C3: variants seen among roughly 807,000 people sequenced by gnomAD.
The protein encoded by C3 is complement C3, also known as C3 and PZP-like alpha-2-macroglobulin domain-containing protein 1.
C3 carries 97 observed loss-of-function variants against 207.9 expected under a neutral mutation model. The observed-to-expected ratio is 0.47, with a 90% CI of 0.40 to 0.55. The LOEUF (loss-of-function observed/expected upper bound fraction) is 0.55, where lower values mean the gene tolerates loss of function less well. Ranked by LOEUF, C3 falls within the 20% of genes least tolerant of loss-of-function variation. C3 has a pLI of 0.00. For missense variants in C3, 1,684 were observed against 2,171.7 expected (o/e 0.78, Z 4.46); for synonymous variants, 848 against 857.6 (o/e 0.99, Z 0.20).
intron 2 of C3, among the ~76,000 whole-genome samples, chr19:6,718,947 GT>G (rs1400242474): frequency 5.6e-4 from 76 of 136,666 alleles, no homozygotes; most frequent in African/African-American, 1.7e-3. Flanking sequence ...CTCAGGGAAG[GT>G]CAGGGCTTAG....
rs749382784 is a variant in C3 at position 6,719,360 on chromosome 19, C to T, written c.118G>A (p.Glu40Lys). ...TPNILRLESE[E>K]TMVLEAHDAQ... is the part of the protein sequence containing the mutation. ...TCGTGGGCCTCCAGCACCATGGTCT[C>T]CTCGCTCTCCAGCCGCAAGATGTTG... Residue 40 changes from glutamate to lysine, a missense_variant, in exon 2 of 41, where the codon GAG becomes AAG. This residue lies in a region of C3 where 58 missense variants were observed against 52.5 expected (regional missense o/e 1.10). Transcript: ENST00000245907. The surrounding 1 kb of genome is among the most constrained non-coding windows in gnomAD (Gnocchi z 5.4). 2 of 1,613,978 alleles carry T rather than the reference C, an allele frequency of 1.2e-6. No homozygotes were observed. The highest frequency in any genetic ancestry group is 1.1e-5 in the South Asian group (1 of 91,074).
In C3 at chr19:6,718,076, G is replaced by T. The variant is rs1968080017; in HGVS notation, c.504+18C>A. ...AGCCTGTGCCCCTGCTTCCCCTGGGGCCCCCTCTGGCTGGCACCTCAATGT... is the reference window on the plus strand; with the variant it reads ...AGCCTGTGCCCCTGCTTCCCCTGGGTCCCCCTCTGGCTGGCACCTCAATGT... On this transcript the variant is annotated intron_variant, in intron 4 of 40. Transcript: ENST00000245907. 6.2e-7 allele frequency: 1 copy of T among 1,613,282 alleles called. No homozygotes were observed. Among genetic ancestry groups the T allele is most frequent in the Non-Finnish European group, 8.5e-7 (1 of 1,179,268 alleles).
chr19:6,685,237 G>A (rs1414100657), intron 29 of C3, 91 bp from the exon 30 acceptor site: 9 of 1,235,794 alleles, frequency 7.3e-6, no homozygotes, highest in East Asian at 2.5e-5. Flanking sequence ...AATCAGAGCT[G>A]GGACATCAAA....
chr19:6,719,259 C>T lies in C3; in HGVS notation c.219G>A (p.Lys73=), dbSNP rs1299281275. The change falls in exon 2 of 41, where the codon AAG becomes AAA. Residue 73 remains lysine (K), a synonymous_variant. Transcript: ENST00000245907. This position sits in a 1 kb window ranked among gnomAD's most constrained non-coding sequence, Gnocchi z 5.4. ...GGTTGGTGGCAGGGGTCAGCACAGTCTTCTCACTGGACAGCACTAGTTTTT... is the reference window on the plus strand; with the variant it reads ...GGTTGGTGGCAGGGGTCAGCACAGTTTTCTCACTGGACAGCACTAGTTTTT... ...PGKKLVLSSE[K]TVLTPATNHM... is the part of the protein sequence containing the mutation. The T allele has an allele frequency of 6.2e-7, 1 of 1,614,042 alleles. No homozygotes were observed.
intron 17 of C3, among the ~76,000 whole-genome samples, chr19:6,705,431 C>T (rs1967754817): frequency 6.7e-6 from 1 of 150,246 alleles, no homozygotes; most frequent in Non-Finnish European, 1.5e-5. Context: ...ACGCCTCCAT[C>T]TCCTGGGTTC....
intron 11 of C3, 58 bp downstream of exon 11, chr19:6,712,199 C>T: frequency 2.5e-6 from 4 of 1,605,224 alleles, no homozygotes; most frequent in Non-Finnish European, 2.6e-6. Flanking sequence ...TGTGCAAACA[C>T]CAGAACCCCT....
In C3 at chr19:6,716,097, A is replaced by T. The variant is rs145926271; in HGVS notation, c.505-1651T>A. Among the ~76,000 whole-genome samples the T allele has an allele frequency of 3.9e-5, 6 of 151,904 alleles. No homozygotes were observed. The East Asian group carries it at 7.7e-4, about 20-fold the overall frequency. ...ATCCCTAAATCTAGATAATTTTTAC[A>T]TTTTTTTTGTAGAGATGTAGTCTCC... On this transcript the variant is annotated intron_variant, in intron 4 of 40. Coordinates refer to ENST00000245907, the MANE Select transcript of C3 (RefSeq NM_000064.4).
rs771249936 is a variant in C3, at chr19:6,720,522, C to A, written c.68G>T (p.Ser23Ile). The part of the protein sequence containing the change: ...LLTHLPLALG[S>I]PMYSIITPNI... ...TAGAGTCATAACCACTCACATGGGA[C>A]TCCCCAGAGCCAGGGGGAGGTGGGT... The change falls in exon 1 of 41, where the codon AGT becomes ATT. Residue 23 changes from serine (S) to isoleucine (I), a missense_variant. Around this residue, in one of 3 missense-constraint regions of C3, gnomAD observed 58 missense variants for 52.5 expected, o/e 1.10. Transcript: ENST00000245907. 1 of 1,590,528 alleles carries A rather than the reference C, an allele frequency of 6.3e-7. No individual in the cohort carries two copies. The highest frequency in any genetic ancestry group is 8.6e-7 in the Non-Finnish European group (1 of 1,168,044).
At chr19:6,687,584 A>G (rs344541) in intron 27 of C3, among the ~76,000 whole-genome samples, 68,784 of 151,960 alleles carry the variant, frequency 0.45, 16,797 homozygotes, top group East Asian at 0.91. Flanking sequence ...TCTCATTTCC[A>G]TGATGTAAAT....
intron 4 of C3, among the ~76,000 whole-genome samples, chr19:6,715,632 T>TTTG: frequency 6.6e-6 from 1 of 150,604 alleles, no homozygotes; most frequent in Non-Finnish European, 1.5e-5. Context: ...TTTTTTGTTT[T>TTTG]TTTTTTTGAG....
chr19:6,712,489 T>C lies in C3; in HGVS notation c.1119+19A>G. ...TCCCCGAAGGGAGGAGTGGGACCCCTTCCCGCCCCGGGTCTCACCATGAGG... is the reference window on the plus strand; with the variant it reads ...TCCCCGAAGGGAGGAGTGGGACCCCCTCCCGCCCCGGGTCTCACCATGAGG... On this transcript the variant is annotated intron_variant, in intron 10 of 40. Coordinates refer to ENST00000245907, the MANE Select transcript of C3 (RefSeq NM_000064.4). 2 of 1,613,696 alleles carry C rather than the reference T, an allele frequency of 1.2e-6. No homozygotes were observed. Among genetic ancestry groups the C allele is most frequent in the Non-Finnish European group, 1.7e-6 (2 of 1,179,600 alleles).
In C3 at chr19:6,690,760, C is replaced by T. The variant is rs3745567; in HGVS notation, c.3391-33G>A. The T allele has an allele frequency of 0.12, 183,468 of 1,539,970 alleles. 11,704 individuals carry two copies. Among genetic ancestry groups the T allele is most frequent in the Non-Finnish European group, 0.13 (139,825 of 1,113,602 alleles). ...AGAGAGCAGAAAGCAAGGATGGGGT[C>T]ACCGGTGTGTCCACACATGGCAGTC... On this transcript the variant is annotated intron_variant, in intron 26 of 40. Transcript: ENST00000245907.
At chr19:6,720,247 C>A (rs1467367607) in intron 1 of C3, among the ~76,000 whole-genome samples, 2 of 152,032 alleles carry the variant, frequency 1.3e-5, no homozygotes, top group Non-Finnish European at 1.5e-5. Flanking sequence ...TACCTGGATT[C>A]CACAAACACC....
rs1416238410 is a variant in C3, at chr19:6,703,792, AC to A, written c.2246-1214del. Among the ~76,000 whole-genome samples the A allele has an allele frequency of 3.3e-5, 5 of 151,534 alleles. No individual in the cohort carries two copies. The East Asian group carries it at 9.7e-4, about 29-fold the overall frequency. On this transcript the variant is annotated intron_variant, in intron 17 of 40. Transcript: ENST00000245907. ...CGGTGGCCTTTAAAAACCACCTAAT[AC>A]AAAAATTAGCTGGGTGTGATGGCAT... is the stretch of plus-strand genomic sequence containing the variant.
Position 6,693,420 on chromosome 19 carries a change from G to A in C3, c.3222C>T (p.Pro1074=). The change falls in exon 25 of 41, where the codon CCC becomes CCT. Residue 1074 remains proline (P), a synonymous_variant. Transcript: ENST00000245907. ...TGGCTGTTGGGACTCACCAGGTGCT[G>A]GGTGCCCGTTTCACGAAGGCCGCAA... ...SAFAAFVKRA[P]STWLTAYVVK... 6.2e-7 allele frequency: 1 copy of A among 1,610,610 alleles called. No homozygotes were observed. The highest frequency in any genetic ancestry group is 8.5e-7 in the Non-Finnish European group (1 of 1,178,918).
chr19:6,693,147 C>T, intron 25 of C3, 64 bp from the exon 26 acceptor site: 1 of 1,577,610 alleles, frequency 6.3e-7, no homozygotes, highest in East Asian at 2.2e-5. Flanking sequence ...TGTCAACCAG[C>T]CAATGAGCGT....
chr19:6,706,038 T>A (rs1967768113), intron 17 of C3, among the ~76,000 whole-genome samples: 1 of 152,256 alleles, frequency 6.6e-6, no homozygotes, highest in African/African-American at 2.4e-5. Flanking sequence ...ACGTGAGATC[T>A]AAAGTCTCAC....
chr19:6,719,332 G>T lies in C3; in HGVS notation c.146C>A (p.Ala49Glu), dbSNP rs749153052. Reference protein sequence around the residue: ...EETMVLEAHDAQGDVPVTVTV... With the variant: ...EETMVLEAHDEQGDVPVTVTV... ...AACAGTGACTGGAACATCCCCTTGC[G>T]CGTCGTGGGCCTCCAGCACCATGGT... Residue 49 changes from alanine (A) to glutamate (E), a missense_variant, in exon 2 of 41, where the codon GCG becomes GAG. Ala to Glu is a moderately radical substitution (Grantham distance 107). Around this residue, in one of 3 missense-constraint regions of C3, gnomAD observed 1,280 missense variants for 1,739.1 expected, o/e 0.74. Coordinates refer to ENST00000245907, the MANE Select transcript of C3 (RefSeq NM_000064.4). This position sits in a 1 kb window ranked among gnomAD's most constrained non-coding sequence, Gnocchi z 5.4. The T allele has an allele frequency of 1.2e-6, 2 of 1,614,014 alleles. No individual in the cohort carries two copies. The highest frequency in any genetic ancestry group is 2.2e-5 in the East Asian group (1 of 44,888).
intron 4 of C3, chr19:6,716,829 A>G (rs1968043032): frequency 6.6e-6 from 1 of 152,142 alleles, no homozygotes; most frequent in African/African-American, 2.4e-5. Context: ...GGGGACGCTC[A>G]GGGTGGGTAT....
Sources: allele counts gnomAD v4.1 joint callset (sites outside exome capture counted in the v4.1 genomes callset), GRCh38; gene constraint gnomAD v4.1.1; regional missense constraint gnomAD v4.1.1; non-coding constraint Gnocchi (gnomAD v3.1); transcripts MANE v1.5; gene names NCBI Gene and HGNC (gene_info 2026-07-23, HGNC 2026-07-21).